Variants in DAPK1 observed in about 807,000 individuals in gnomAD.
The protein encoded by DAPK1 is death associated protein kinase 1.
Under a neutral mutation model 144.9 loss-of-function variants are expected in DAPK1, and 56 were observed. The ratio of observed to expected loss-of-function variants is 0.39; its 90% CI spans 0.31 to 0.48. The LOEUF is 0.48. Among genes scored for constraint, DAPK1 ranks in the 20% least tolerant of loss-of-function variants. The probability of loss-of-function intolerance (pLI) is 0.95; values close to 1 mark genes in which losing one functional copy is unlikely to be tolerated. For synonymous variants in DAPK1, 690 were observed against 749.0 expected, an observed-to-expected ratio of 0.92 and a Z score of 1.29; for missense variants, 1,454 against 1,875.4, an observed-to-expected ratio of 0.78 and a Z score of 4.15.
At chr9:87,542,986 A>T (rs1826108939) in intron 2 of DAPK1, among the ~76,000 whole-genome samples, 1 of 152,246 alleles carries the variant, frequency 6.6e-6, no homozygotes, top group Non-Finnish European at 1.5e-5. Context: ...TATAGACTGC[A>T]TGGGTGACAT....
At chr9:87,543,257 G>A (rs1360002267) in intron 2 of DAPK1, among the ~76,000 whole-genome samples, 3 of 152,212 alleles carry the variant, frequency 2.0e-5, no homozygotes, top group African/African-American at 7.2e-5. Flanking sequence ...TCTTACCACA[G>A]TAGAGGAGAA....
At chr9:87,657,882 G>A in intron 17 of DAPK1, 147 bp from the exon 18 acceptor site, 1 of 675,324 alleles carries the variant, frequency 1.5e-6, no homozygotes. Flanking sequence ...GCCTGCCCCA[G>A]TGGAGAGCAA....
intron 19 of DAPK1, among the ~76,000 whole-genome samples, chr9:87,672,712 T>G (rs1218826819): frequency 1.3e-5 from 2 of 152,228 alleles, no homozygotes; most frequent in South Asian, 2.1e-4. Context: ...ATTGCGGTCT[T>G]TCTTCCTTGT....
chr9:87,513,405 T>A (rs905937558), intron 2 of DAPK1, among the ~76,000 whole-genome samples: 2 of 152,202 alleles, frequency 1.3e-5, no homozygotes, highest in African/African-American at 4.8e-5. Flanking sequence ...ACTTGGAGGT[T>A]TCATTCCTTC....
intron 2 of DAPK1, among the ~76,000 whole-genome samples, chr9:87,579,853 C>T (rs1442013728): frequency 6.6e-6 from 1 of 152,078 alleles, no homozygotes; most frequent in Non-Finnish European, 1.5e-5. Context: ...TCCATTCCTC[C>T]AATAAAAATG....
At chr9:87,654,534 C>A (rs1830568191) in intron 17 of DAPK1, among the ~76,000 whole-genome samples, 1 of 152,152 alleles carries the variant, frequency 6.6e-6, no homozygotes, top group Admixed American at 6.5e-5. Context: ...AGGGCAGTAT[C>A]CCAGGTTTTA....
At chr9:87,504,037 A>G (rs559766961) in intron 2 of DAPK1, among the ~76,000 whole-genome samples, 1 of 152,342 alleles carries the variant, frequency 6.6e-6, no homozygotes, top group East Asian at 1.9e-4. Context: ...AGTCAGTCCT[A>G]TGAATAATGG....
At chr9:87,596,487 G>A (rs983126036) in intron 2 of DAPK1, among the ~76,000 whole-genome samples, 1 of 152,200 alleles carries the variant, frequency 6.6e-6, no homozygotes, top group South Asian at 2.1e-4. Flanking sequence ...TTGTGTTGAG[G>A]TCCCTCCTAA....
chr9:87,515,956 C>T (rs1340452527), intron 2 of DAPK1, among the ~76,000 whole-genome samples: 1 of 152,146 alleles, frequency 6.6e-6, no homozygotes. Context: ...GTGCCCTTGC[C>T]CCCCTTTCCC....
chr9:87,651,287 A>G (rs1830434944), intron 16 of DAPK1, among the ~76,000 whole-genome samples: 1 of 152,226 alleles, frequency 6.6e-6, no homozygotes, highest in South Asian at 2.1e-4. Context: ...GCCTAAATGA[A>G]TCAAGCTAGT....
At chr9:87,668,485 G>T in intron 18 of DAPK1, 112 bp from the exon 19 acceptor site, 1 of 755,892 alleles carries the variant, frequency 1.3e-6, no homozygotes, top group East Asian at 2.5e-5. Context: ...CACCTGGCTT[G>T]CTTCTCACAC....
At chr9:87,499,356 A>T (rs949914413) in intron 2 of DAPK1, 68 of 561,256 alleles carry the variant, frequency 1.2e-4, no homozygotes, top group Middle Eastern at 8.1e-4. Context: ...CTAGATTATG[A>T]TGCACAGTAT....
rs1564000791 is a variant in DAPK1 at position 87,571,470 on chromosome 9, CACA to C, written c.63-33483_63-33481del. ...ACACACACACACACACACACACACACACACCAACACACACACACACACACCCCA... is the reference window on the plus strand; with the variant it reads ...ACACACACACACACACACACACACACCCAACACACACACACACACACCCCA... On this transcript the variant is annotated intron_variant, in intron 2 of 25. Coordinates refer to ENST00000408954, the MANE Select transcript of DAPK1 (RefSeq NM_004938.4). Among the ~76,000 whole-genome samples the C allele has an allele frequency of 7.4e-3, 398 of 53,634 alleles. 19 individuals carry two copies. The highest frequency in any genetic ancestry group is 0.022 in the East Asian group (35 of 1,590). The allele number at this position is 53,634 out of a possible 152,430, so 35.2% of individuals were successfully genotyped here.
At chr9:87,598,247 C>T (rs1327953215) in intron 2 of DAPK1, among the ~76,000 whole-genome samples, 1 of 152,080 alleles carries the variant, frequency 6.6e-6, no homozygotes, top group East Asian at 1.9e-4. Flanking sequence ...GATTTGATAA[C>T]GAGTTCAAAA....
At chr9:87,702,032 G>C (rs1825472929) in intron 24 of DAPK1, 1 of 307,802 alleles carries the variant, frequency 3.2e-6, no homozygotes, top group South Asian at 2.8e-5. Flanking sequence ...CCTGAGGCAG[G>C]AGGGAGTGTC....
intron 21 of DAPK1, among the ~76,000 whole-genome samples, chr9:87,693,502 T>A (rs1825149218): frequency 6.6e-6 from 1 of 152,190 alleles, no homozygotes; most frequent in Non-Finnish European, 1.5e-5. Context: ...TGGATTCTCT[T>A]GTACCTCACT....
chr9:87,531,825 A>G (rs577567754), intron 2 of DAPK1, among the ~76,000 whole-genome samples: 1 of 152,328 alleles, frequency 6.6e-6, no homozygotes, highest in Admixed American at 6.5e-5. Context: ...AAGAGAGGCA[A>G]GTCTGAGAGG....
intron 2 of DAPK1, among the ~76,000 whole-genome samples, chr9:87,502,466 G>A (rs1824438857): frequency 1.3e-5 from 2 of 152,126 alleles, no homozygotes; most frequent in Non-Finnish European, 2.9e-5. Flanking sequence ...GGATGCCCTA[G>A]CATCTCTTAT....
At chr9:87,626,679 G>A (rs1829505612) in intron 3 of DAPK1, among the ~76,000 whole-genome samples, 1 of 152,168 alleles carries the variant, frequency 6.6e-6, no homozygotes, top group Non-Finnish European at 1.5e-5. Flanking sequence ...TGGAATGGAT[G>A]TAAAGACCAT....
Sources: gnomAD v4.1 joint callset for allele counts (sites outside exome capture counted in the v4.1 genomes callset) on GRCh38, gnomAD v4.1.1 for gene constraint, MANE v1.5 for transcripts, NCBI Gene and HGNC (gene_info 2026-07-23, HGNC 2026-07-21) for gene names.